Variants in TYW1 observed in about 807,000 individuals in gnomAD.
TYW1 encodes the protein tRNA-yW synthesizing protein 1 homolog, also known as S-adenosyl-L-methionine-dependent tRNA 4-demethylwyosine synthase TYW1.
A neutral mutation model predicts 96.2 loss-of-function variants in TYW1; 46 were observed. The observed-to-expected ratio is 0.48, with a 90% confidence interval of 0.38 to 0.61. TYW1 has a LOEUF of 0.61. Ranked by LOEUF, TYW1 falls within the 20% of genes least tolerant of loss-of-function variation. TYW1 has a pLI of 0.00. For missense variants in TYW1, 684 were observed against 909.6 expected (o/e 0.75, Z 3.19); for synonymous variants, 274 against 323.0 (o/e 0.85, Z 1.63).
At chr7:67,017,096 A>G (rs1794052107) in intron 5 of TYW1, among the ~76,000 whole-genome samples, 1 of 148,850 alleles carries the variant, frequency 6.7e-6, no homozygotes, top group Non-Finnish European at 1.5e-5. Flanking sequence ...AATTCTCATG[A>G]CTCGACCTTA....
At chr7:67,162,218 G>A (rs1281107742) in intron 13 of TYW1, among the ~76,000 whole-genome samples, 1 of 151,192 alleles carries the variant, frequency 6.6e-6, no homozygotes, top group Admixed American at 6.6e-5. Flanking sequence ...GGAGGCTGAG[G>A]CAGGAGAATG....
chr7:67,127,395 A>G (rs953562004), intron 13 of TYW1, among the ~76,000 whole-genome samples: 2 of 151,974 alleles, frequency 1.3e-5, no homozygotes, highest in Admixed American at 1.3e-4. Context: ...CCTGACCTCA[A>G]GTGATCCACC....
chr7:67,064,670 A>AG (rs1795805085), intron 9 of TYW1, among the ~76,000 whole-genome samples: 1 of 152,202 alleles, frequency 6.6e-6, no homozygotes, highest in African/African-American at 2.4e-5. Context: ...AGAATAGTAC[A>AG]GGAAAGACTG....
chr7:67,020,799 G>A (rs1219941198), intron 6 of TYW1, among the ~76,000 whole-genome samples: 2 of 152,274 alleles, frequency 1.3e-5, no homozygotes, highest in Admixed American at 1.3e-4. Context: ...GGAATCCAAG[G>A]CAGGCGGATC....
At chr7:67,076,840 T>C (rs2115732471) in intron 10 of TYW1, among the ~76,000 whole-genome samples, 1 of 147,690 alleles carries the variant, frequency 6.8e-6, no homozygotes, top group East Asian at 2.1e-4. Context: ...AATGACACAA[T>C]CTTGGCCCAC....
chr7:67,223,176 T>C (rs1211893432), intron 15 of TYW1, among the ~76,000 whole-genome samples: 1 of 152,216 alleles, frequency 6.6e-6, no homozygotes, highest in Non-Finnish European at 1.5e-5. Context: ...CTACCCTTTC[T>C]CAGGGTGAGT....
At chr7:67,139,232 A>G (rs1798365307) in intron 13 of TYW1, among the ~76,000 whole-genome samples, 1 of 152,088 alleles carries the variant, frequency 6.6e-6, no homozygotes, top group South Asian at 2.1e-4. Context: ...TTGTATTTTC[A>G]GTAGAGATGG....
intron 3 of TYW1, among the ~76,000 whole-genome samples, chr7:67,007,373 C>G (rs950254719): frequency 6.6e-6 from 1 of 152,156 alleles, no homozygotes; most frequent in African/African-American, 2.4e-5. Flanking sequence ...ATCAATAAAT[C>G]TGTGTTTTTG....
chr7:67,017,941 G>C lies in TYW1; in HGVS notation c.659G>C (p.Ser220Thr), dbSNP rs1466732994. Reference sequence around the variant, plus strand: ...GAGGGCGACTGCGACGTGGTTAAAAGCAAGCACGGCAGCATTGAGGCCGAC... The same window carrying C: ...GAGGGCGACTGCGACGTGGTTAAAACCAAGCACGGCAGCATTGAGGCCGAC... ...RGEGDCDVVK[S>T]KHGSIEADFR... Residue 220 changes from serine (S) to threonine (T), a missense_variant, in exon 6 of 16, where the codon AGC becomes ACC. Ser to Thr is a moderately conservative substitution (Grantham distance 58, BLOSUM62 1). Coordinates refer to ENST00000359626, the MANE Select transcript of TYW1 (RefSeq NM_018264.4). 3.7e-6 allele frequency: 6 copies of C among 1,614,064 alleles called. No homozygotes were observed. Among genetic ancestry groups the C allele is most frequent in the Middle Eastern group, 1.6e-4 (1 of 6,084 alleles).
At chr7:67,076,386 G>A (rs1480686561) in intron 10 of TYW1, among the ~76,000 whole-genome samples, 10 of 152,172 alleles carry the variant, frequency 6.6e-5, no homozygotes, top group African/African-American at 2.4e-4. Context: ...TTGTGACACT[G>A]GGGAACAAGC....
intron 11 of TYW1, chr7:67,089,328 C>T: frequency 1.5e-6 from 2 of 1,294,896 alleles, no homozygotes; most frequent in Non-Finnish European, 2.2e-6. Context: ...TGGGAGGGCC[C>T]TTCTCGAGGT....
intron 12 of TYW1, among the ~76,000 whole-genome samples, chr7:67,107,559 G>A (rs1268535690): frequency 1.3e-5 from 2 of 152,048 alleles, no homozygotes; most frequent in African/African-American, 4.8e-5. Context: ...TTCAGTGCCC[G>A]CTTTCCTCAT....
At chr7:67,045,624 G>A (rs547579607) in intron 7 of TYW1, among the ~76,000 whole-genome samples, 69 of 152,338 alleles carry the variant, frequency 4.5e-4, no homozygotes, top group Non-Finnish European at 7.8e-4. Flanking sequence ...TATAAAGAAC[G>A]TTTTGTGTAT....
At chr7:67,085,320 T>C (rs10226634) in intron 11 of TYW1, among the ~76,000 whole-genome samples, 36,932 of 152,078 alleles carry the variant, frequency 0.24, 4,778 homozygotes, top group African/African-American at 0.32. Flanking sequence ...GTAATTGAAA[T>C]GTGGGGGCTG....
At chr7:67,200,501 C>T (rs970710141) in intron 15 of TYW1, among the ~76,000 whole-genome samples, 25 of 152,130 alleles carry the variant, frequency 1.6e-4, no homozygotes, top group African/African-American at 6.0e-4. Flanking sequence ...ATCTCATGAG[C>T]CTTATTCACT....
At chr7:67,117,826 G>A (rs1797641078) in intron 13 of TYW1, among the ~76,000 whole-genome samples, 1 of 152,128 alleles carries the variant, frequency 6.6e-6, no homozygotes, top group African/African-American at 2.4e-5. Context: ...TAATTATTGA[G>A]TTCCTCTTAA....
intron 13 of TYW1, among the ~76,000 whole-genome samples, chr7:67,134,320 A>C (rs1411291979): frequency 6.6e-6 from 1 of 152,050 alleles, no homozygotes; most frequent in Non-Finnish European, 1.5e-5. Flanking sequence ...AGGTGGGTGG[A>C]TCACTCGAGG....
At chr7:67,193,521 G>A (rs925398287) in intron 14 of TYW1, among the ~76,000 whole-genome samples, 1 of 152,160 alleles carries the variant, frequency 6.6e-6, no homozygotes, top group African/African-American at 2.4e-5. Context: ...GCACATAGGA[G>A]GCCGAGATGG....
intron 13 of TYW1, among the ~76,000 whole-genome samples, chr7:67,149,358 A>G (rs1316593459): frequency 6.6e-6 from 1 of 152,180 alleles, no homozygotes; most frequent in Non-Finnish European, 1.5e-5. Context: ...TAGAAACTAT[A>G]TGGGTTCTAT....
Sources: allele counts gnomAD v4.1 joint callset (sites outside exome capture counted in the v4.1 genomes callset), GRCh38; gene constraint gnomAD v4.1.1; transcripts MANE v1.5; gene names NCBI Gene and HGNC (gene_info 2026-07-23, HGNC 2026-07-21).